HSPA12A: variants seen among roughly 807,000 people sequenced by gnomAD.
HSPA12A encodes the protein heat shock protein family A (Hsp70) member 12A, also known as heat shock 70 kDa protein 12A.
Under a neutral mutation model 69.2 loss-of-function variants are expected in HSPA12A, and 28 were observed. The observed-to-expected ratio is 0.40, with a 90% CI of 0.30 to 0.55. The LOEUF is 0.55. HSPA12A is among the 20% of genes least tolerant of loss of function. The pLI is 0.38. For synonymous variants in HSPA12A, 345 were observed against 370.5 expected, an observed-to-expected ratio of 0.93 and a Z score of 0.79; for missense variants, 686 against 900.7, an observed-to-expected ratio of 0.76 and a Z score of 3.05.
intron 2 of HSPA12A, 24 bp from the exon 3 acceptor site, chr10:116,705,302 G>A (rs1554882254): frequency 3.1e-6 from 5 of 1,613,832 alleles, no homozygotes; most frequent in Non-Finnish European, 4.2e-6. Context: ...GTGAGGCATG[G>A]GGGGTGTGGA....
intron 5 of HSPA12A, among the ~76,000 whole-genome samples, chr10:116,697,965 A>G (rs1849964269): frequency 6.6e-6 from 1 of 152,186 alleles, no homozygotes; most frequent in Admixed American, 6.5e-5. Context: ...TTCACTTCAC[A>G]TGGCGTTTTC....
Position 116,675,447 on chromosome 10 carries a change from C to G in HSPA12A, c.1391-29G>C. The G allele has an allele frequency of 1.3e-6, 2 of 1,528,554 alleles. No individual in the cohort carries two copies. Among genetic ancestry groups the G allele is most frequent in the Non-Finnish European group, 1.8e-6 (2 of 1,137,740 alleles). The allele number at this position is 1,528,554 out of a possible 1,614,324, so 94.7% of individuals were successfully genotyped here. On this transcript the variant is annotated intron_variant, in intron 11 of 11. Coordinates refer to ENST00000369209, the MANE Select transcript of HSPA12A (RefSeq NM_025015.3). This position sits in a 1 kb window ranked among gnomAD's most constrained non-coding sequence, Gnocchi z 5.2. Reference sequence around the variant, plus strand: ...GAAGGGAAGAGGCAGGGAGAATGTCCTGTCACCAAAAGCCAGCAAGGAAGG... The same window carrying G: ...GAAGGGAAGAGGCAGGGAGAATGTCGTGTCACCAAAAGCCAGCAAGGAAGG...
chr10:116,765,096 T>A (rs1473836020), intron 2 of HSPA12A, among the ~76,000 whole-genome samples: 2 of 152,150 alleles, frequency 1.3e-5, no homozygotes, highest in African/African-American at 4.8e-5. Context: ...GTGAGGTAAA[T>A]GCATGCTACT....
At chr10:116,807,793 G>C (rs1433707948) in intron 2 of HSPA12A, among the ~76,000 whole-genome samples, 1 of 152,176 alleles carries the variant, frequency 6.6e-6, no homozygotes, top group Non-Finnish European at 1.5e-5. Flanking sequence ...CTAAGCTGTA[G>C]ACCAGGCATG....
At position 116,838,101 on chromosome 10, in the gene HSPA12A, C is replaced by T. The variant is rs116609326; in HGVS notation, c.4-3079G>A. Among the ~76,000 whole-genome samples, 1,188 of 152,176 alleles carry T rather than the reference C, an allele frequency of 7.8e-3. 14 individuals carry two copies. The highest frequency in any genetic ancestry group is 0.026 in the African/African-American group (1,071 of 41,516). Reference sequence around the variant, plus strand: ...ACTCTCATGGGAAATAGATAGTAAGCGGTAAATTACTCCACACGACAATTT... The same window carrying T: ...ACTCTCATGGGAAATAGATAGTAAGTGGTAAATTACTCCACACGACAATTT... On this transcript the variant is annotated intron_variant, in intron 1 of 12. Transcript: ENST00000635765.
chr10:116,803,317 A>T (rs997827553), intron 2 of HSPA12A, among the ~76,000 whole-genome samples: 11 of 151,642 alleles, frequency 7.3e-5, no homozygotes, highest in African/African-American at 2.7e-4. Context: ...ACACGCTGGC[A>T]TGGAGCTCAC....
chr10:116,799,517 T>G (rs1844910133), intron 2 of HSPA12A, among the ~76,000 whole-genome samples: 1 of 151,664 alleles, frequency 6.6e-6, no homozygotes, highest in African/African-American at 2.4e-5. Flanking sequence ...ACACGCACAC[T>G]CATGCGCACA....
At chr10:116,737,440 A>G (rs551898693) in intron 1 of HSPA12A, among the ~76,000 whole-genome samples, 1 of 152,254 alleles carries the variant, frequency 6.6e-6, no homozygotes, top group South Asian at 2.1e-4. Context: ...CTGAGACCAA[A>G]GCCCAGGTTT....
rs78939670 is a variant in HSPA12A, at chr10:116,803,083, C to T, written c.91+31852G>A. 3.5e-3 allele frequency among the ~76,000 whole-genome samples: 537 copies of T among 152,344 alleles called. 3 individuals carry two copies. Among genetic ancestry groups the T allele is most frequent in the African/African-American group, 0.012 (514 of 41,586 alleles). ...GGATTGTTCGTTACTGCAGCCTTAC[C>T]TTATGAAAGCTGACGCAGGCGCCAC... On this transcript the variant is annotated intron_variant, in intron 2 of 12. Transcript: ENST00000635765.
At chr10:116,699,324 G>A (rs782149670) in intron 4 of HSPA12A, among the ~76,000 whole-genome samples, 7 of 152,204 alleles carry the variant, frequency 4.6e-5, no homozygotes, top group Non-Finnish European at 8.8e-5. Flanking sequence ...AGCAGCTGCT[G>A]AGTGTGGTCC....
At chr10:116,689,523 A>G (rs953307659) in intron 6 of HSPA12A, among the ~76,000 whole-genome samples, 5 of 152,180 alleles carry the variant, frequency 3.3e-5, no homozygotes, top group Non-Finnish European at 7.3e-5. Context: ...CACTCGCAGA[A>G]GCTGCTAGGC....
chr10:116,773,115 C>T (rs1160624602), intron 2 of HSPA12A, among the ~76,000 whole-genome samples: 2 of 152,172 alleles, frequency 1.3e-5, no homozygotes, highest in Non-Finnish European at 2.9e-5. Flanking sequence ...CAGCTGCTCC[C>T]GTTGACTCCC....
chr10:116,788,085 G>A (rs1015524691), intron 2 of HSPA12A, among the ~76,000 whole-genome samples: 1 of 152,168 alleles, frequency 6.6e-6, no homozygotes, highest in Admixed American at 6.5e-5. Flanking sequence ...AAAAGCAGAG[G>A]AAGGAAAAAT....
At chr10:116,798,491 A>C (rs1844883168) in intron 2 of HSPA12A, among the ~76,000 whole-genome samples, 1 of 152,186 alleles carries the variant, frequency 6.6e-6, no homozygotes, top group Admixed American at 6.5e-5. Flanking sequence ...GAGTTTCAGT[A>C]GCATAGCACC....
intron 3 of HSPA12A, among the ~76,000 whole-genome samples, chr10:116,703,999 T>G (rs1314705591): frequency 6.6e-6 from 1 of 152,158 alleles, no homozygotes; most frequent in Non-Finnish European, 1.5e-5. Flanking sequence ...TAGGAACACT[T>G]TTACACTGTT....
chr10:116,847,339 T>C (rs551799186), intron 1 of HSPA12A, among the ~76,000 whole-genome samples: 99 of 152,290 alleles, frequency 6.5e-4, no homozygotes, highest in Admixed American at 1.1e-3. Flanking sequence ...CTTGCACATA[T>C]ACTATTTTCT....
chr10:116,712,977 A>AATATAT (rs56007651), intron 1 of HSPA12A, among the ~76,000 whole-genome samples: 5,931 of 80,390 alleles, frequency 0.074, 324 homozygotes, highest in South Asian at 0.11. Context: ...TAAAAAATGC[A>AATATAT]ATATATATAT....
intron 1 of HSPA12A, among the ~76,000 whole-genome samples, chr10:116,718,531 G>A (rs1201919447): frequency 2.0e-5 from 3 of 152,148 alleles, no homozygotes; most frequent in African/African-American, 7.2e-5. Context: ...CCCCTCTGCA[G>A]CATTCCTTAA....
intron 2 of HSPA12A, among the ~76,000 whole-genome samples, chr10:116,762,969 T>A (rs1844004530): frequency 6.6e-6 from 1 of 152,110 alleles, no homozygotes; most frequent in Non-Finnish European, 1.5e-5. Context: ...TGAACAAAAC[T>A]CTCTTTTCCT....
Sources: gnomAD v4.1 joint callset for allele counts (sites outside exome capture counted in the v4.1 genomes callset) on GRCh38, gnomAD v4.1.1 for gene constraint, Gnocchi (gnomAD v3.1) non-coding constraint, MANE v1.5 for transcripts, NCBI Gene and HGNC (gene_info 2026-07-23, HGNC 2026-07-21) for gene names.